The following MICAL2 variants were observed in gnomAD, a reference collection of about 807,000 sequenced individuals.
MICAL2 encodes the protein microtubule associated monooxygenase, calponin and LIM domain containing 2.
Under a neutral mutation model 127.3 loss-of-function variants are expected in MICAL2, and 77 were observed. The ratio of observed to expected loss-of-function variants is 0.60; its 90% CI spans 0.50 to 0.73. MICAL2 has a LOEUF of 0.73. Among genes scored for constraint, MICAL2 ranks in the 30% least tolerant of loss-of-function variants. The pLI, the probability that MICAL2 is intolerant of heterozygous loss-of-function variation, is 0.00. For synonymous variants in MICAL2, 570 were observed against 551.1 expected (o/e 1.03, Z -0.48); for missense variants, 1,351 against 1,434.4 (o/e 0.94, Z 0.94).
intron 15 of MICAL2, among the ~76,000 whole-genome samples, chr11:12,234,213 C>T (rs1174336060): frequency 6.6e-6 from 1 of 151,882 alleles, no homozygotes. Flanking sequence ...TCCCGTGGAA[C>T]AGTCCCACCC....
intron 33 of MICAL2, among the ~76,000 whole-genome samples, chr11:12,352,412 G>A (rs1939065160): frequency 1.3e-5 from 2 of 152,220 alleles, no homozygotes; most frequent in Admixed American, 1.3e-4. Flanking sequence ...ACTTAGAAGA[G>A]CTCCATGGCG....
chr11:12,345,899 T>C (rs183745579), intron 32 of MICAL2, among the ~76,000 whole-genome samples: 2 of 152,314 alleles, frequency 1.3e-5, no homozygotes, highest in Admixed American at 1.3e-4. Context: ...AGAATGGGCA[T>C]CCTTCCTAGG....
At chr11:12,145,366 T>A (rs145329607) in intron 2 of MICAL2, among the ~76,000 whole-genome samples, 1 of 152,348 alleles carries the variant, frequency 6.6e-6, no homozygotes, top group Non-Finnish European at 1.5e-5. Flanking sequence ...GAAAGACAGA[T>A]GATGTTTAAT....
At chr11:12,349,065 T>C (rs529676366) in intron 32 of MICAL2, among the ~76,000 whole-genome samples, 193 of 152,306 alleles carry the variant, frequency 1.3e-3, no homozygotes, top group African/African-American at 4.3e-3. Flanking sequence ...GGATAAATCC[T>C]TCTAGGATGA....
At chr11:12,160,891 G>T (rs1854706749) in intron 2 of MICAL2, among the ~76,000 whole-genome samples, 1 of 152,226 alleles carries the variant, frequency 6.6e-6, no homozygotes, top group Non-Finnish European at 1.5e-5. Context: ...TAAGGAGGAA[G>T]ATAAACACCA....
intron 24 of MICAL2, 124 bp downstream of exon 24, chr11:12,257,095 C>A: frequency 9.3e-7 from 1 of 1,080,016 alleles, no homozygotes; most frequent in Non-Finnish European, 1.3e-6. Context: ...AGTATGATGT[C>A]ATCAGGAAAG....
chr11:12,282,661 AC>A (rs1269907729), intron 2 of MICAL2, among the ~76,000 whole-genome samples: 2 of 152,232 alleles, frequency 1.3e-5, no homozygotes, highest in Non-Finnish European at 2.9e-5. Flanking sequence ...GAAACACAGA[AC>A]ATCGTTACTC....
chr11:12,275,019 G>A (rs1191538306), upstream of MICAL2, among the ~76,000 whole-genome samples: 1 of 152,112 alleles, frequency 6.6e-6, no homozygotes, highest in African/African-American at 2.4e-5. Flanking sequence ...CAGAGAGGCG[G>A]TGAGAGGGGT....
chr11:12,122,247 C>T (rs61875173), intron 1 of MICAL2, among the ~76,000 whole-genome samples: 4,055 of 152,292 alleles, frequency 0.027, 83 homozygotes, highest in Non-Finnish European at 0.043. Context: ...CGTAGCACAC[C>T]TCTCATGGTG....
chr11:12,216,216 C>T lies in MICAL2; in HGVS notation c.848-3C>T. 1.2e-6 allele frequency: 2 copies of T among 1,607,644 alleles called. No homozygotes were observed. The highest frequency in any genetic ancestry group is 1.7e-6 in the Non-Finnish European group (2 of 1,174,048). Reference sequence around the variant, plus strand: ...CTGAGCTTGTGAATGCTTCTCTTTTCAGGCATAGATCTTGAGAACATTGTT... The same window carrying T: ...CTGAGCTTGTGAATGCTTCTCTTTTTAGGCATAGATCTTGAGAACATTGTT... On this transcript the variant is annotated splice_region_variant and splice_polypyrimidine_tract_variant and intron_variant, in intron 7 of 27. Coordinates refer to ENST00000683283, the MANE Select transcript of MICAL2 (RefSeq NM_001282663.2).
intron 3 of MICAL2, among the ~76,000 whole-genome samples, chr11:12,180,632 G>A (rs556222878): frequency 2.0e-5 from 3 of 152,186 alleles, no homozygotes; most frequent in Admixed American, 6.5e-5. Flanking sequence ...TAACTCTGTG[G>A]GGTAATAAGG....
upstream of MICAL2, among the ~76,000 whole-genome samples, chr11:12,271,459 C>T (rs1450538414): frequency 2.0e-5 from 3 of 152,162 alleles, no homozygotes; most frequent in East Asian, 1.9e-4. Context: ...GCCCAGCAGC[C>T]GGAGGCCCAG....
At chr11:12,169,405 A>G (rs947941471) in intron 3 of MICAL2, among the ~76,000 whole-genome samples, 2 of 149,562 alleles carry the variant, frequency 1.3e-5, no homozygotes, top group African/African-American at 5.0e-5. Flanking sequence ...TTTATTTTTG[A>G]GATGGAATCT....
intron 2 of MICAL2, among the ~76,000 whole-genome samples, chr11:12,139,499 C>T (rs947185361): frequency 2.0e-5 from 3 of 152,036 alleles, no homozygotes; most frequent in East Asian, 3.9e-4. Flanking sequence ...GAGGCTCCGG[C>T]GGAGGGGCAG....
At chr11:12,147,668 G>A (rs781093004) in intron 2 of MICAL2, among the ~76,000 whole-genome samples, 7 of 152,152 alleles carry the variant, frequency 4.6e-5, no homozygotes, top group African/African-American at 9.7e-5. Context: ...GGAACTCTTC[G>A]TCTTCCCCAT....
At chr11:12,360,246 A>G (rs1343291224), downstream of MICAL2, among the ~76,000 whole-genome samples, 1 of 151,908 alleles carries the variant, frequency 6.6e-6, no homozygotes, top group African/African-American at 2.4e-5. Context: ...ATTTTTATTT[A>G]TTTGTGTATT....
intron 30 of MICAL2, among the ~76,000 whole-genome samples, chr11:12,323,698 A>T (rs533548640): frequency 6.6e-6 from 1 of 152,332 alleles, no homozygotes; most frequent in East Asian, 1.9e-4. Context: ...GTTTACATTT[A>T]AATTCATTAA....
intron 32 of MICAL2, among the ~76,000 whole-genome samples, chr11:12,338,788 T>C (rs1938810890): frequency 6.6e-6 from 1 of 152,262 alleles, no homozygotes; most frequent in African/African-American, 2.4e-5. Flanking sequence ...TGGCCCCTAC[T>C]CTCTTCTGGC....
At chr11:12,282,353 G>T (rs964164048) in intron 2 of MICAL2, among the ~76,000 whole-genome samples, 7 of 152,098 alleles carry the variant, frequency 4.6e-5, no homozygotes, top group Admixed American at 3.3e-4. Flanking sequence ...GCGTGGCCTT[G>T]GTGTACCCTT....
Sources: gnomAD v4.1 joint callset for allele counts (sites outside exome capture counted in the v4.1 genomes callset) on GRCh38, gnomAD v4.1.1 for gene constraint, MANE v1.5 for transcripts, NCBI Gene and HGNC (gene_info 2026-07-23, HGNC 2026-07-21) for gene names.